ASB7: variants seen among roughly 807,000 people sequenced by gnomAD.
The protein encoded by ASB7 is ankyrin repeat and SOCS box protein 7.
Under a neutral mutation model 32.5 loss-of-function variants are expected in ASB7, and 4 were observed. The ratio of observed to expected loss-of-function variants is 0.12; its 90% CI spans 0.06 to 0.28. ASB7 has a LOEUF of 0.28. Ranked by LOEUF, ASB7 falls within the 10% of genes least tolerant of loss-of-function variation. The pLI is 1.00. For missense variants in ASB7, 181 were observed against 407.1 expected, an observed-to-expected ratio of 0.44 and a Z score of 4.78; for synonymous variants, 172 against 155.6, an observed-to-expected ratio of 1.11 and a Z score of -0.78.
At chr15:100,631,724 C>G (rs748743981) in intron 5 of ASB7, among the ~76,000 whole-genome samples, 1 of 152,210 alleles carries the variant, frequency 6.6e-6, no homozygotes, top group Non-Finnish European at 1.5e-5. Context: ...CCTAATCTCT[C>G]TGTGCCTTAG....
intron 5 of ASB7, among the ~76,000 whole-genome samples, chr15:100,642,516 C>A (rs1332095334): frequency 6.6e-6 from 1 of 152,258 alleles, no homozygotes; most frequent in Non-Finnish European, 1.5e-5. Flanking sequence ...CCCCAACCAA[C>A]AGGCTTCTTA....
In ASB7 at chr15:100,635,990, C is replaced by T. The variant is rs76259982; in HGVS notation, c.817+5948C>T. 9.8e-3 allele frequency among the ~76,000 whole-genome samples: 1,497 copies of T among 152,296 alleles called. 29 individuals carry two copies. The highest frequency in any genetic ancestry group is 0.034 in the African/African-American group (1,405 of 41,550). On this transcript the variant is annotated intron_variant, in intron 5 of 5. Coordinates refer to ENST00000332783, the MANE Select transcript of ASB7 (RefSeq NM_198243.3). Reference sequence around the variant, plus strand: ...GAGAGTGTCTTTACTGGCTCTTTACCTTGAGGACTTGGTGGGGTTCCTGGG... The same window carrying T: ...GAGAGTGTCTTTACTGGCTCTTTACTTTGAGGACTTGGTGGGGTTCCTGGG...
intron 5 of ASB7, chr15:100,630,262 CAGTAAG>C (rs2141400348): frequency 8.9e-7 from 1 of 1,121,964 alleles, no homozygotes; most frequent in African/African-American, 1.6e-5. Flanking sequence ...TAGGGGTAGA[CAGTAAG>C]AGTGAGGGAA....
At chr15:100,637,979 T>G (rs889590076) in intron 5 of ASB7, among the ~76,000 whole-genome samples, 5 of 151,972 alleles carry the variant, frequency 3.3e-5, no homozygotes, top group African/African-American at 1.2e-4. Context: ...ACATAAAAAT[T>G]TATTTCAATT....
intron 5 of ASB7, among the ~76,000 whole-genome samples, chr15:100,636,151 G>T (rs968282676): frequency 6.6e-5 from 10 of 152,154 alleles, no homozygotes; most frequent in Admixed American, 3.9e-4. Flanking sequence ...TATGGCTTCA[G>T]TGACTACGGC....
At chr15:100,636,750 A>C (rs945328394) in intron 5 of ASB7, among the ~76,000 whole-genome samples, 1 of 152,222 alleles carries the variant, frequency 6.6e-6, no homozygotes, top group Non-Finnish European at 1.5e-5. Context: ...CAAAACAAAA[A>C]TTGTTTTTTA....
intron 2 of ASB7, among the ~76,000 whole-genome samples, chr15:100,605,643 T>G (rs897725722): frequency 2.6e-5 from 4 of 152,200 alleles, no homozygotes; most frequent in Non-Finnish European, 4.4e-5. Context: ...ACTTTCAGCC[T>G]TCCACATCAT....
chr15:100,622,201 A>AAAAAGAAAAAAGAT (rs1297172644), intron 4 of ASB7, among the ~76,000 whole-genome samples: 1 of 482 alleles, frequency 2.1e-3, no homozygotes, highest in African/African-American at 3.2e-3. Context: ...TAATAGCTAC[A>AAAAAGAAAAAAGAT]AAAAGAAAAA....
At chr15:100,640,221 T>C (rs1257687175) in intron 5 of ASB7, among the ~76,000 whole-genome samples, 1 of 152,192 alleles carries the variant, frequency 6.6e-6, no homozygotes, top group Admixed American at 6.6e-5. Flanking sequence ...CTCAGCTCAC[T>C]GCAACCTCTG....
intron 5 of ASB7, among the ~76,000 whole-genome samples, chr15:100,639,619 G>A (rs1039601255): frequency 3.3e-5 from 5 of 152,176 alleles, no homozygotes; most frequent in African/African-American, 1.2e-4. Context: ...ATGTTGCGTA[G>A]TACAACTCTT....
chr15:100,630,161 G>A, intron 5 of ASB7, 119 bp downstream of exon 5: 4 of 1,366,098 alleles, frequency 2.9e-6, no homozygotes, highest in South Asian at 3.7e-5. Flanking sequence ...ACCACTGCTT[G>A]GTAAGCGATG....
rs899705801 is a variant in ASB7 at position 100,651,239 on chromosome 15, C to A, written c.*2777C>A. The stretch of plus-strand genomic sequence containing the variant: ...AATATTTGTGTTTATAAATGTACAG[C>A]AGAGTAAGAGTGTTTTTTAGATTAT... On this transcript the variant is annotated 3_prime_UTR_variant, in exon 6 of 6. Transcript: ENST00000332783. 2.0e-5 allele frequency: 3 copies of A among 150,680 alleles called. No homozygotes were observed. Among genetic ancestry groups the A allele is most frequent in the Non-Finnish European group, 2.9e-5 (2 of 67,876 alleles). 9.3% of individuals were successfully genotyped at this position (150,680 alleles called of 1,614,324 possible).
chr15:100,628,825 G>A (rs180910208), intron 4 of ASB7, among the ~76,000 whole-genome samples: 7 of 152,208 alleles, frequency 4.6e-5, no homozygotes, highest in Non-Finnish European at 8.8e-5. Flanking sequence ...TCCAAAGTTC[G>A]TGTAAAACTA....
intron 5 of ASB7, among the ~76,000 whole-genome samples, chr15:100,647,727 G>C (rs1318101485): frequency 6.6e-6 from 1 of 152,170 alleles, no homozygotes; most frequent in Non-Finnish European, 1.5e-5. Flanking sequence ...CCAAGGTTCT[G>C]CTGTGTTCAG....
chr15:100,636,477 C>T (rs2039924090), intron 5 of ASB7, among the ~76,000 whole-genome samples: 1 of 152,152 alleles, frequency 6.6e-6, no homozygotes, highest in Admixed American at 6.5e-5. Flanking sequence ...TCCCAAAGAT[C>T]CCCCAACTGT....
At chr15:100,643,477 C>T (rs113563296) in intron 5 of ASB7, among the ~76,000 whole-genome samples, 1,198 of 104,138 alleles carry the variant, frequency 0.012, 24 homozygotes, top group African/African-American at 0.043. Context: ...GTCCCTTCTT[C>T]TTTTTTTTTT....
intron 4 of ASB7, among the ~76,000 whole-genome samples, chr15:100,620,041 T>G (rs1454537797): frequency 6.6e-6 from 1 of 152,226 alleles, no homozygotes; most frequent in Non-Finnish European, 1.5e-5. Flanking sequence ...AATGGTTGCA[T>G]GTGATGAGTG....
In ASB7 at chr15:100,648,823, G is replaced by A. The variant is rs771545221; in HGVS notation, c.*361G>A. On this transcript the variant is annotated 3_prime_UTR_variant, in exon 6 of 6. Transcript: ENST00000332783. Reference sequence around the variant, plus strand: ...AAATTTATGGTTCCTTGGTAAGCACGGTATTCTAAACCAGCAGAGCACTTG... The same window carrying A: ...AAATTTATGGTTCCTTGGTAAGCACAGTATTCTAAACCAGCAGAGCACTTG... 2.2e-4 allele frequency: 35 copies of A among 157,492 alleles called. No homozygotes were observed. The highest frequency in any genetic ancestry group is 4.0e-4 in the Non-Finnish European group (29 of 71,650). The allele number at this position is 157,492 out of a possible 1,614,324, so 9.8% of individuals were successfully genotyped here.
At chr15:100,640,236 C>A (rs1309742816) in intron 5 of ASB7, among the ~76,000 whole-genome samples, 2 of 152,116 alleles carry the variant, frequency 1.3e-5, no homozygotes, top group South Asian at 4.2e-4. Context: ...CCTCTGCCTA[C>A]AAGGCTCACG....
Sources: allele counts gnomAD v4.1 joint callset (sites outside exome capture counted in the v4.1 genomes callset), GRCh38; gene constraint gnomAD v4.1.1; transcripts MANE v1.5; gene names NCBI Gene and HGNC (gene_info 2026-07-23, HGNC 2026-07-21).